The following NUS1 variants were observed in gnomAD, a reference collection of about 807,000 sequenced individuals.
NUS1 encodes NUS1 dehydrodolichyl diphosphate synthase subunit, also known as dehydrodolichyl diphosphate synthase complex subunit NUS1.
For missense variants in NUS1, 292 were observed against 382.9 expected, an observed-to-expected ratio of 0.76 and a Z score of 1.98; for synonymous variants, 135 against 155.2, an observed-to-expected ratio of 0.87 and a Z score of 0.97.
chr6:117,709,847 G>C lies in NUS1; in HGVS notation c.*2832G>C, dbSNP rs1052059251. The C allele has an allele frequency of 2.0e-5, 3 of 152,484 alleles. No homozygotes were observed. The highest frequency in any genetic ancestry group is 7.2e-5 in the African/African-American group (3 of 41,412). The allele number at this position is 152,484 out of a possible 1,614,324, so 9.4% of individuals were successfully genotyped here. On this transcript the variant is annotated 3_prime_UTR_variant, in exon 5 of 5. Coordinates refer to ENST00000368494, the MANE Select transcript of NUS1 (RefSeq NM_138459.5). ...ATAGTATTATGTGAATGCTACATTT[G>C]TTCTGAACACTTAGGGGCTGCAAAA...
intron 4 of NUS1, among the ~76,000 whole-genome samples, chr6:117,704,562 A>T (rs187649279): frequency 2.0e-4 from 30 of 152,346 alleles, no homozygotes; most frequent in Admixed American, 5.2e-4. Context: ...AAAAACAAGT[A>T]TCAGGCTCCT....
intron 1 of NUS1, among the ~76,000 whole-genome samples, chr6:117,691,424 A>G (rs1223242540): frequency 1.3e-5 from 2 of 151,576 alleles, no homozygotes; most frequent in African/African-American, 4.8e-5. Flanking sequence ...TAACCTTCAG[A>G]GTTCATCTCA....
chr6:117,677,441 G>A (rs1562173591), intron 1 of NUS1, among the ~76,000 whole-genome samples: 1 of 152,326 alleles, frequency 6.6e-6, no homozygotes, highest in South Asian at 2.1e-4. Flanking sequence ...GAAAGCATTG[G>A]AATTTCTTTA....
Position 117,694,101 on chromosome 6 carries a change from T to C in NUS1, c.612T>C (p.Ala204=), listed in dbSNP as rs1382268428. 1 of 1,612,900 alleles carries C rather than the reference T, an allele frequency of 6.2e-7. No homozygotes were observed. Among genetic ancestry groups the C allele is most frequent in the Non-Finnish European group, 8.5e-7 (1 of 1,179,314 alleles). The change falls in exon 3 of 5, where the codon GCT becomes GCC. Residue 204 remains alanine (A), a synonymous_variant. Transcript: ENST00000368494. ...EDGKADIVRA[A]QDFCQLVAQK... ...GAAAAGCAGATATTGTAAGAGCTGCTCAGGACTTTTGCCAGTTAGTAGCCC... is the reference window on the plus strand; with the variant it reads ...GAAAAGCAGATATTGTAAGAGCTGCCCAGGACTTTTGCCAGTTAGTAGCCC...
chr6:117,700,450 A>C (rs1302599981), intron 3 of NUS1, among the ~76,000 whole-genome samples: 1 of 152,234 alleles, frequency 6.6e-6, no homozygotes, highest in Non-Finnish European at 1.5e-5. Context: ...ATATTATTGT[A>C]AAATGGCTTT....
chr6:117,682,163 A>G (rs1773070609), intron 1 of NUS1, among the ~76,000 whole-genome samples: 1 of 152,102 alleles, frequency 6.6e-6, no homozygotes, highest in African/African-American at 2.4e-5. Context: ...CCTAACTATC[A>G]TCTCTGAAGT....
At chr6:117,682,673 T>G (rs912259024) in intron 1 of NUS1, among the ~76,000 whole-genome samples, 4 of 152,236 alleles carry the variant, frequency 2.6e-5, no homozygotes, top group African/African-American at 9.6e-5. Context: ...TACTGGATAC[T>G]ATAGAAAAGT....
chr6:117,675,698 C>T lies in NUS1; in HGVS notation c.28C>T (p.Arg10Trp), dbSNP rs1473876877. ...GACGGGGCTGTACGAGCTGGTGTGG[C>T]GGGTGCTGCACGCGCTGCTCTGTCT... The part of the protein sequence containing the change: MTGLYELVW[R>W]VLHALLCLHR... The change falls in exon 1 of 5, where the codon CGG becomes TGG. Residue 10 changes from arginine (R) to tryptophan (W), a missense_variant. Physicochemically the swap from Arg to Trp is moderately radical, Grantham distance 101. Coordinates refer to ENST00000368494, the MANE Select transcript of NUS1 (RefSeq NM_138459.5). The T allele has an allele frequency of 1.1e-5, 17 of 1,508,194 alleles. No homozygotes were observed. Among genetic ancestry groups the T allele is most frequent in the African/African-American group, 2.7e-5 (2 of 73,224 alleles). The allele number at this position is 1,508,194 out of a possible 1,614,324, so 93.4% of individuals were successfully genotyped here. A position where few individuals can be genotyped will look rare whatever the true frequency, so the allele number is the denominator to read the frequency against.
At position 117,675,767 on chromosome 6, in the gene NUS1, T is replaced by C. The variant is rs1287068904; in HGVS notation, c.97T>C (p.Trp33Arg). ...TSWLRVRFGT[W>R]NWIWRRCCRA... ...CTGGCTCCGCGTTCGGTTCGGCACCTGGAACTGGATCTGGCGGCGCTGCTG... is the reference window on the plus strand; with the variant it reads ...CTGGCTCCGCGTTCGGTTCGGCACCCGGAACTGGATCTGGCGGCGCTGCTG... The change falls in exon 1 of 5, where the codon TGG becomes CGG. Residue 33 changes from tryptophan (W) to arginine (R), a missense_variant. By Grantham distance (101) the Trp-to-Arg change is moderately radical. Coordinates refer to ENST00000368494, the MANE Select transcript of NUS1 (RefSeq NM_138459.5). 1.3e-5 allele frequency: 21 copies of C among 1,558,368 alleles called. No homozygotes were observed. The highest frequency in any genetic ancestry group is 1.8e-5 in the Non-Finnish European group (21 of 1,155,656).
intron 4 of NUS1, among the ~76,000 whole-genome samples, chr6:117,705,459 A>T (rs1773487107): frequency 6.6e-6 from 1 of 152,218 alleles, no homozygotes; most frequent in African/African-American, 2.4e-5. Context: ...GAGAATTTAA[A>T]TCTGATAATG....
chr6:117,687,091 G>A (rs992626540), intron 1 of NUS1, among the ~76,000 whole-genome samples: 3 of 152,146 alleles, frequency 2.0e-5, no homozygotes, highest in African/African-American at 2.4e-5. Flanking sequence ...AGCCAAGAAA[G>A]ATTCTGTTCC....
intron 1 of NUS1, among the ~76,000 whole-genome samples, chr6:117,678,880 C>A (rs1430475523): frequency 6.6e-6 from 1 of 151,988 alleles, no homozygotes; most frequent in African/African-American, 2.4e-5. Context: ...CAGGGTTTTG[C>A]CATATTGGCC....
chr6:117,700,415 A>T (rs1032257996), intron 3 of NUS1, among the ~76,000 whole-genome samples: 3 of 152,234 alleles, frequency 2.0e-5, no homozygotes, highest in Non-Finnish European at 2.9e-5. Context: ...ATCATTGGAG[A>T]AATACAAATT....
intron 1 of NUS1, among the ~76,000 whole-genome samples, chr6:117,681,436 G>T (rs1773060116): frequency 6.6e-6 from 1 of 152,164 alleles, no homozygotes; most frequent in Non-Finnish European, 1.5e-5. Flanking sequence ...TAAGAATAAT[G>T]AACTGAGTTG....
intron 4 of NUS1, among the ~76,000 whole-genome samples, chr6:117,704,386 T>A (rs1286849288): frequency 6.6e-6 from 1 of 152,176 alleles, no homozygotes; most frequent in Non-Finnish European, 1.5e-5. Context: ...AGGCAAACTT[T>A]TTTTGTAAAG....
intron 1 of NUS1, among the ~76,000 whole-genome samples, chr6:117,684,603 T>C (rs934447301): frequency 2.6e-5 from 4 of 152,190 alleles, no homozygotes; most frequent in Admixed American, 1.3e-4. Flanking sequence ...CTTCTCGTTG[T>C]AGTTGGAATG....
intron 3 of NUS1, among the ~76,000 whole-genome samples, chr6:117,698,110 G>T (rs1434404814): frequency 3.3e-5 from 5 of 151,746 alleles, no homozygotes; most frequent in Admixed American, 3.3e-4. Flanking sequence ...TGAAACAAGT[G>T]GTAATAAAAA....
In NUS1 at chr6:117,675,481, G is replaced by A. The variant is rs981877903; in HGVS notation, c.-190G>A. 17 of 609,720 alleles carry A rather than the reference G, an allele frequency of 2.8e-5. No homozygotes were observed. In the African/African-American group the frequency reaches 2.8e-4, roughly 10 times the overall value. The allele number at this position is 609,720 out of a possible 1,614,324, so 37.8% of individuals were successfully genotyped here. Reference sequence around the variant, plus strand: ...CGGAACTGTCCATGTACTACTGGGGGCGGGGCTGCCAAGGGAGGAGGAAGA... The same window carrying A: ...CGGAACTGTCCATGTACTACTGGGGACGGGGCTGCCAAGGGAGGAGGAAGA... On this transcript the variant is annotated 5_prime_UTR_variant, in exon 1 of 5. Transcript: ENST00000368494.
rs1408176103 is a variant in NUS1, at chr6:117,707,117, C to T, written c.*102C>T. 3 of 932,244 alleles carry T rather than the reference C, an allele frequency of 3.2e-6. No individual in the cohort carries two copies. The highest frequency in any genetic ancestry group is 5.1e-6 in the Non-Finnish European group (3 of 587,492). The allele number at this position is 932,244 out of a possible 1,614,324, so 57.7% of individuals were successfully genotyped here. A position where few individuals can be genotyped will look rare whatever the true frequency, so the allele number is the denominator to read the frequency against. On this transcript the variant is annotated 3_prime_UTR_variant, in exon 5 of 5. Coordinates refer to ENST00000368494, the MANE Select transcript of NUS1 (RefSeq NM_138459.5). ...TATGAAACCCTGTACACACCTAGTT[C>T]ATAATCCTCATAATTTATCAACAAA...
Sources: gnomAD v4.1 joint callset for allele counts (sites outside exome capture counted in the v4.1 genomes callset) on GRCh38, gnomAD v4.1.1 for gene constraint, MANE v1.5 for transcripts, NCBI Gene and HGNC (gene_info 2026-07-23, HGNC 2026-07-21) for gene names.